ITGB4: variants seen among roughly 807,000 people sequenced by gnomAD.
The protein encoded by ITGB4 is integrin beta-4.
Under a neutral mutation model 207.6 loss-of-function variants are expected in ITGB4, and 159 were observed. That is an observed-to-expected ratio of 0.77 (90% confidence interval 0.67 to 0.87). ITGB4 has a LOEUF of 0.87. Ranked by LOEUF, ITGB4 falls within the 40% of genes least tolerant of loss-of-function variation. The pLI, the probability that ITGB4 is intolerant of heterozygous loss-of-function variation, is 0.00. For missense variants in ITGB4, 2,278 were observed against 2,546.8 expected, an observed-to-expected ratio of 0.89 and a Z score of 2.27; for synonymous variants, 1,020 against 1,062.7, an observed-to-expected ratio of 0.96 and a Z score of 0.78.
chr17:75,722,380 C>A lies in ITGB4; in HGVS notation c.-11+768C>A, dbSNP rs2060632363. Among the ~76,000 whole-genome samples the A allele has an allele frequency of 6.6e-6, 1 of 152,200 alleles. No individual in the cohort carries two copies. The highest frequency in any genetic ancestry group is 1.5e-5 in the Non-Finnish European group (1 of 68,038). Reference sequence around the variant, plus strand: ...AGCAGGGACAGGGCTTCTCCTCTGCCCCCATGGCCTTGCCACACCCTGAGG... The same window carrying A: ...AGCAGGGACAGGGCTTCTCCTCTGCACCCATGGCCTTGCCACACCCTGAGG... On this transcript the variant is annotated intron_variant, in intron 1 of 39. Transcript: ENST00000200181. This position sits in a 1 kb window ranked among gnomAD's most constrained non-coding sequence, Gnocchi z 6.2.
chr17:75,737,768 C>A, intron 18 of ITGB4, 124 bp downstream of exon 18: 1 of 816,914 alleles, frequency 1.2e-6, no homozygotes, highest in Non-Finnish European at 2.0e-6. Context: ...TCCCCAACCC[C>A]TTCCTGGGTC....
chr17:75,728,517 C>T (rs1025446546), intron 6 of ITGB4, 44 bp downstream of exon 6: 12 of 1,425,324 alleles, frequency 8.4e-6, no homozygotes, highest in African/African-American at 1.4e-5. Context: ...GGGTCCAGGC[C>T]ATGTGACCCC....
rs745306423 is a variant in ITGB4 at position 75,742,701 on chromosome 17, C to A, written c.2902C>A (p.Pro968Thr). The change falls in exon 25 of 40, where the codon CCC (proline) becomes ACC (threonine). Residue 968 changes from proline to threonine, a missense_variant. Pro to Thr is a conservative substitution (Grantham distance 38, BLOSUM62 -1). Coordinates refer to ENST00000200181, the MANE Select transcript of ITGB4 (RefSeq NM_000213.5). This position sits in a 1 kb window ranked among gnomAD's most constrained non-coding sequence, Gnocchi z 5.9. ...GCTGCTGGTGGAGGCCATCGACGTG[C>A]CCGCAGGCACTGCCACCCTCGGCCG... ...KQLLVEAIDVPAGTATLGRRL... is the reference protein window; with the variant it reads ...KQLLVEAIDVTAGTATLGRRL... 1.4e-5 allele frequency: 23 copies of A among 1,613,766 alleles called. No homozygotes were observed. The highest frequency in any genetic ancestry group is 1.9e-5 in the Non-Finnish European group (22 of 1,180,030).
chr17:75,754,961 C>CACAG, intron 34 of ITGB4, 146 bp downstream of exon 34: 2 of 1,531,546 alleles, frequency 1.3e-6, no homozygotes, highest in Admixed American at 1.8e-5. Context: ...CACGTGCACA[C>CACAG]GCATGCACAC....
At position 75,729,357 on chromosome 17, in the gene ITGB4, TGCA is replaced by T; in HGVS notation, c.661_663del (p.Gln221del). Reference sequence around the variant, plus strand: ...GATGTGGATGAGTTCCGGAATAAACTGCAGGGAGAGCGGATCTCAGGCAACCTG... The same window carrying T: ...GATGTGGATGAGTTCCGGAATAAACTGGGAGAGCGGATCTCAGGCAACCTG... On this transcript the variant is annotated inframe_deletion, in exon 7 of 40. Transcript: ENST00000200181. The surrounding 1 kb of genome is among the most constrained non-coding windows in gnomAD (Gnocchi z 4.4). The T allele has an allele frequency of 6.2e-7, 1 of 1,614,144 alleles. No homozygotes were observed. The highest frequency in any genetic ancestry group is 8.5e-7 in the Non-Finnish European group (1 of 1,180,010).
At chr17:75,751,259 C>A in intron 30 of ITGB4, 148 bp downstream of exon 30, 2 of 995,346 alleles carry the variant, frequency 2.0e-6, no homozygotes, top group African/African-American at 1.6e-5. Context: ...AAGCCTGAGG[C>A]ATCTTTAGGG....
chr17:75,749,487 C>A (rs573223026), intron 27 of ITGB4, among the ~76,000 whole-genome samples: 6 of 152,234 alleles, frequency 3.9e-5, no homozygotes, highest in Non-Finnish European at 8.8e-5. Flanking sequence ...GTGATCGCAC[C>A]ACTGCACAGC....
At chr17:75,756,202 A>G (rs190557539) in intron 35 of ITGB4, among the ~76,000 whole-genome samples, 22 of 152,314 alleles carry the variant, frequency 1.4e-4, no homozygotes, top group African/African-American at 5.3e-4. Flanking sequence ...CAGCATGACC[A>G]GGATGCAGGA....
chr17:75,757,241 C>T lies in ITGB4; in HGVS notation c.5260C>T (p.His1754Tyr), dbSNP rs767878878. The T allele has an allele frequency of 6.8e-6, 11 of 1,611,944 alleles. No individual in the cohort carries two copies. The Admixed American group carries it at 1.3e-4, about 20-fold the overall frequency. ...QLGSRAGLFQ[H>Y]PLQSEYSSIT... ...GGGCAGCCGTGCCGGGCTCTTCCAG[C>T]ACCCGCTGCAAAGCGAGTACAGCAG... is the stretch of plus-strand genomic sequence containing the variant. Residue 1754 changes from histidine to tyrosine, a missense_variant, in exon 39 of 40, where the codon CAC becomes TAC. His to Tyr is a moderately conservative substitution (Grantham distance 83). Coordinates refer to ENST00000200181, the MANE Select transcript of ITGB4 (RefSeq NM_000213.5).
At chr17:75,728,232 C>A in intron 5 of ITGB4, 145 bp from the exon 6 acceptor site, 1 of 707,782 alleles carries the variant, frequency 1.4e-6, no homozygotes, top group Non-Finnish European at 2.5e-6. Flanking sequence ...TAGGAACAGA[C>A]AATGTTGTGA....
In ITGB4 at chr17:75,728,445, G is replaced by A. The variant is rs1286323573; in HGVS notation, c.538G>A (p.Val180Ile). 6.8e-6 allele frequency: 11 copies of A among 1,614,024 alleles called. No individual in the cohort carries two copies. The highest frequency in any genetic ancestry group is 4.5e-5 in the East Asian group (2 of 44,896). Residue 180 changes from valine to isoleucine, a missense_variant, in exon 6 of 40, where the codon GTC (valine) becomes ATC (isoleucine). Val to Ile is a conservative substitution (Grantham distance 29). Coordinates refer to ENST00000200181, the MANE Select transcript of ITGB4 (RefSeq NM_000213.5). ...GFGKFVDKVS[V>I]PQTDMRPEKL... ...TGGCAAGTTTGTGGACAAAGTCAGCGTCCCGCAGACGGACATGAGGCCTGA... is the reference window on the plus strand; with the variant it reads ...TGGCAAGTTTGTGGACAAAGTCAGCATCCCGCAGACGGACATGAGGCCTGA...
chr17:75,757,006 T>G lies in ITGB4; in HGVS notation c.5117T>G (p.Leu1706Arg), dbSNP rs1212141207. The G allele has an allele frequency of 6.2e-7, 1 of 1,611,666 alleles. No individual in the cohort carries two copies. The highest frequency in any genetic ancestry group is 2.2e-5 in the East Asian group (1 of 44,808). The change falls in exon 38 of 40, where the codon CTC becomes CGC. Residue 1706 changes from leucine to arginine, a missense_variant. Physicochemically the swap from Leu to Arg is moderately radical, Grantham distance 102. Transcript: ENST00000200181. ...GAGAGCCGGCTGACCGTGCCGGGCC[T>G]CAGCGAGAACGTGCCCTACAAGTTC... ...SPESRLTVPG[L>R]SENVPYKFKV...
rs768183450 is a variant in ITGB4, at chr17:75,757,731, G to A, written c.*176G>A. The A allele has an allele frequency of 2.4e-6, 2 of 826,404 alleles. No homozygotes were observed. Among genetic ancestry groups the A allele is most frequent in the Non-Finnish European group, 3.9e-6 (2 of 512,536 alleles). 51.2% of individuals were successfully genotyped at this position (826,404 alleles called of 1,614,324 possible). The stretch of plus-strand genomic sequence containing the variant: ...AGGGGGCAAGGTCCGTCCTCTGTGG[G>A]CCCAAACCTATTTGTAACCAAAGAG... On this transcript the variant is annotated 3_prime_UTR_variant, in exon 40 of 40. Coordinates refer to ENST00000200181, the MANE Select transcript of ITGB4 (RefSeq NM_000213.5).
chr17:75,740,462 G>C lies in ITGB4; in HGVS notation c.2550+1G>C. 6.2e-7 allele frequency: 1 copy of C among 1,611,976 alleles called. No homozygotes were observed. Among genetic ancestry groups the C allele is most frequent in the Non-Finnish European group, 8.5e-7 (1 of 1,178,564 alleles). ...GCTGCGCCAGGAGGTGGAGGAGAAC[G>C]TAAGGACCCAGGAACTAGGCCTGGC... is the stretch of plus-strand genomic sequence containing the variant. On this transcript the variant is annotated splice_donor_variant, in intron 21 of 39. Coordinates refer to ENST00000200181, the MANE Select transcript of ITGB4 (RefSeq NM_000213.5). LOFTEE classifies it high-confidence loss of function. The surrounding 1 kb of genome is among the most constrained non-coding windows in gnomAD (Gnocchi z 5.9).
intron 18 of ITGB4, among the ~76,000 whole-genome samples, chr17:75,738,697 A>G (rs943572308): frequency 6.6e-6 from 1 of 152,260 alleles, no homozygotes; most frequent in African/African-American, 2.4e-5. Context: ...AGAACAGACA[A>G]GAGAAAGCGT....
chr17:75,740,815 T>A lies in ITGB4; in HGVS notation c.2573T>A (p.Ile858Asn). The change falls in exon 22 of 40, where the codon ATC becomes AAC. Residue 858 changes from isoleucine to asparagine, a missense_variant. Coordinates refer to ENST00000200181, the MANE Select transcript of ITGB4 (RefSeq NM_000213.5). This position sits in a 1 kb window ranked among gnomAD's most constrained non-coding sequence, Gnocchi z 5.9. ...CAGCTGAACGAGGTCTACAGGCAGA[T>A]CTCCGGTGTACACAAGCTCCAGCAG... ...EENLNEVYRQ[I>N]SGVHKLQQTK... 1 of 1,613,450 alleles carries A rather than the reference T, an allele frequency of 6.2e-7. No homozygotes were observed. The highest frequency in any genetic ancestry group is 1.1e-5 in the South Asian group (1 of 91,038).
intron 34 of ITGB4, chr17:75,755,220 CA>C: frequency 6.3e-7 from 1 of 1,598,516 alleles, no homozygotes; most frequent in Non-Finnish European, 8.5e-7. Flanking sequence ...CCAGGTAGTA[CA>C]GGGGTGGCCA....
chr17:75,728,308 G>T, intron 5 of ITGB4, 69 bp from the exon 6 acceptor site: 1 of 1,346,598 alleles, frequency 7.4e-7, no homozygotes, highest in Non-Finnish European at 1.1e-6. Flanking sequence ...GCCAGCCCTT[G>T]GTGGGGGGCC....
chr17:75,743,720 CGTG>C lies in ITGB4; in HGVS notation c.2974_2976del (p.Val992del), dbSNP rs774823081. On this transcript the variant is annotated inframe_deletion, in exon 26 of 40. Coordinates refer to ENST00000200181, the MANE Select transcript of ITGB4 (RefSeq NM_000213.5). The stretch of plus-strand genomic sequence containing the variant: ...TGCCCGGGCTCCTTGCAGCCAGAGA[CGTG>C]GTGTCCTTTGAGCAGCCTGAGTTCT... 1 of 1,613,492 alleles carries C rather than the reference CGTG, an allele frequency of 6.2e-7. No homozygotes were observed. Among genetic ancestry groups the C allele is most frequent in the South Asian group, 1.1e-5 (1 of 91,074 alleles).
Sources: allele counts gnomAD v4.1 joint callset (sites outside exome capture counted in the v4.1 genomes callset), GRCh38; gene constraint gnomAD v4.1.1; non-coding constraint Gnocchi (gnomAD v3.1); transcripts MANE v1.5; gene names NCBI Gene and HGNC (gene_info 2026-07-23, HGNC 2026-07-21).